PRELID2: variants seen among roughly 807,000 people sequenced by gnomAD.
PRELID2 encodes the protein PRELI domain-containing protein 2.
Under a neutral mutation model 28.4 loss-of-function variants are expected in PRELID2, and 25 were observed. The ratio of observed to expected loss-of-function variants is 0.88; its 90% CI spans 0.64 to 1.23. The LOEUF (loss-of-function observed/expected upper bound fraction) is 1.23. Among genes scored for constraint, PRELID2 ranks in the 50% most tolerant of loss-of-function variants. The pLI, the probability that PRELID2 is intolerant of heterozygous loss-of-function variation, is 0.00. For missense variants in PRELID2, 201 were observed against 214.4 expected, an observed-to-expected ratio of 0.94 and a Z score of 0.39; for synonymous variants, 76 against 71.6, an observed-to-expected ratio of 1.06 and a Z score of -0.31.
At chr5:145,287,656 G>T in the PRELID2 span, among the ~76,000 whole-genome samples, 1 of 152,172 alleles carries the variant, frequency 6.6e-6, no homozygotes, top group Non-Finnish European at 1.5e-5. Context: ...GAGTTTTTAT[G>T]TATCTTACAC....
intron 1 of PRELID2, among the ~76,000 whole-genome samples, chr5:145,826,826 A>G (rs1755223983): frequency 6.6e-6 from 1 of 152,044 alleles, no homozygotes; most frequent in South Asian, 2.1e-4. Context: ...CTTCATGAAG[A>G]TATAACATTT....
intron 1 of PRELID2, among the ~76,000 whole-genome samples, chr5:145,643,539 C>T (rs776002696): frequency 3.3e-5 from 5 of 152,282 alleles, no homozygotes; most frequent in Admixed American, 1.3e-4. Context: ...GCCAGAACTT[C>T]CAATAATATG....
chr5:145,285,916 A>G, the PRELID2 span, among the ~76,000 whole-genome samples: 1 of 152,182 alleles, frequency 6.6e-6, no homozygotes, highest in East Asian at 1.9e-4. Flanking sequence ...AGATCTTTAG[A>G]TGATTGCCCA....
chr5:145,493,604 C>G (rs537063206), intron 1 of PRELID2, among the ~76,000 whole-genome samples: 2 of 152,154 alleles, frequency 1.3e-5, no homozygotes, highest in Non-Finnish European at 2.9e-5. Flanking sequence ...CTGCTCCCAT[C>G]ACTCTGCTCC....
At chr5:145,635,858 C>A (rs113396505) in intron 1 of PRELID2, among the ~76,000 whole-genome samples, 3,068 of 152,296 alleles carry the variant, frequency 0.02, 110 homozygotes, top group African/African-American at 0.07. Flanking sequence ...ATAGGTGATA[C>A]CCATAAGCTG....
the PRELID2 span, among the ~76,000 whole-genome samples, chr5:145,281,396 T>G: frequency 6.6e-6 from 1 of 152,210 alleles, no homozygotes; most frequent in African/African-American, 2.4e-5. Flanking sequence ...GGTGGTCAGA[T>G]GTAGATAGCC....
At chr5:145,256,836 T>C in the PRELID2 span, among the ~76,000 whole-genome samples, 111 of 152,108 alleles carry the variant, frequency 7.3e-4, 3 homozygotes, top group African/African-American at 2.4e-3. Context: ...TGTAAACGTA[T>C]ATTTAGAGTG....
At chr5:145,738,003 CA>C (rs1484706561) in intron 1 of PRELID2, among the ~76,000 whole-genome samples, 1 of 152,170 alleles carries the variant, frequency 6.6e-6, no homozygotes, top group African/African-American at 2.4e-5. Flanking sequence ...CCCATAGTGA[CA>C]GTGGAGGCCA....
chr5:145,570,431 T>G (rs1015527672), intron 1 of PRELID2, among the ~76,000 whole-genome samples: 2 of 152,094 alleles, frequency 1.3e-5, no homozygotes, highest in Non-Finnish European at 2.9e-5. Flanking sequence ...AAAAAAAAAT[T>G]TGCAGGAGTA....
At chr5:145,805,895 T>C (rs1753469184) in intron 4 of PRELID2, among the ~76,000 whole-genome samples, 1 of 152,084 alleles carries the variant, frequency 6.6e-6, no homozygotes, top group Non-Finnish European at 1.5e-5. Flanking sequence ...TATCTAGACA[T>C]AGAAAAGGAA....
chr5:145,747,181 T>C (rs1418152616), intron 1 of PRELID2, among the ~76,000 whole-genome samples: 1 of 140,920 alleles, frequency 7.1e-6, no homozygotes, highest in African/African-American at 2.7e-5. Context: ...ATAACTGAGA[T>C]CAGAGCAGAG....
the PRELID2 span, among the ~76,000 whole-genome samples, chr5:145,259,583 G>C: frequency 5.3e-5 from 8 of 152,210 alleles, no homozygotes; most frequent in Non-Finnish European, 1.0e-4. Flanking sequence ...GACTTGCATG[G>C]AACATGTAGC....
intron 1 of PRELID2, among the ~76,000 whole-genome samples, chr5:145,635,518 A>C (rs1031276648): frequency 6.6e-6 from 1 of 152,198 alleles, no homozygotes; most frequent in Non-Finnish European, 1.5e-5. Flanking sequence ...TAGCATCCCC[A>C]CTTGAAGAAG....
the PRELID2 span, among the ~76,000 whole-genome samples, chr5:145,304,656 C>A: frequency 1.3e-5 from 2 of 151,802 alleles, no homozygotes; most frequent in Non-Finnish European, 2.9e-5. Context: ...ATAGCCTGTC[C>A]GATATATATT....
chr5:145,602,119 A>G (rs1753407058), intron 1 of PRELID2, among the ~76,000 whole-genome samples: 1 of 152,188 alleles, frequency 6.6e-6, no homozygotes, highest in Admixed American at 6.6e-5. Flanking sequence ...CCTGAGGCAA[A>G]GATATGCAGA....
intron 1 of PRELID2, among the ~76,000 whole-genome samples, chr5:145,639,792 GA>G (rs908694486): frequency 1.3e-5 from 2 of 151,992 alleles, no homozygotes; most frequent in East Asian, 1.9e-4. Context: ...GGTACAGAAA[GA>G]AAAAAAGATT....
At chr5:145,444,165 C>T in the PRELID2 span, among the ~76,000 whole-genome samples, 88 of 152,090 alleles carry the variant, frequency 5.8e-4, no homozygotes, top group Middle Eastern at 3.4e-3. Context: ...CAGATGGCAA[C>T]AAATGGCTAG....
At chr5:145,669,990 A>G (rs1157255777) in intron 1 of PRELID2, among the ~76,000 whole-genome samples, 1 of 151,998 alleles carries the variant, frequency 6.6e-6, no homozygotes, top group African/African-American at 2.4e-5. Context: ...GACCAGTTTC[A>G]TTTTCTATTT....
At chr5:145,650,794 A>C (rs934921540) in intron 1 of PRELID2, among the ~76,000 whole-genome samples, 1 of 152,078 alleles carries the variant, frequency 6.6e-6, no homozygotes, top group African/African-American at 2.4e-5. Context: ...AAGATGGCTG[A>C]ATAGGAACAG....
Sources: allele counts gnomAD v4.1 joint callset (sites outside exome capture counted in the v4.1 genomes callset), GRCh38; gene constraint gnomAD v4.1.1; transcripts MANE v1.5; gene names NCBI Gene and HGNC (gene_info 2026-07-23, HGNC 2026-07-21).